Variants in MIS18BP1 observed in about 807,000 individuals in gnomAD.
The protein encoded by MIS18BP1 is mis18-binding protein 1.
In MIS18BP1, 72 loss-of-function variants were observed where a neutral mutation model predicts 116.1. The ratio of observed to expected loss-of-function variants is 0.62; its 90% CI spans 0.51 to 0.75. The LOEUF (loss-of-function observed/expected upper bound fraction) is 0.75. MIS18BP1 is among the 30% of genes least tolerant of loss of function. The pLI, the probability that MIS18BP1 is intolerant of heterozygous loss-of-function variation, is 0.00. For synonymous variants in MIS18BP1, 386 were observed against 427.0 expected (o/e 0.90, Z 1.18); for missense variants, 1,363 against 1,303.2 (o/e 1.05, Z -0.71).
In MIS18BP1 at chr14:45,227,795, GT is replaced by G; in HGVS notation, c.1613del (p.His538ProfsTer10). 1 of 1,613,924 alleles carries G rather than the reference GT, an allele frequency of 6.2e-7. No individual in the cohort carries two copies. ...CDNLELKSNK[H>X]SESPGATELN... ...ATTCTGTAGCTCCTGGTGACTCACT[GT>G]GCTTATTACTCTTCAGTTCTATGAA... On this transcript the variant is annotated frameshift_variant, in exon 9 of 17. Coordinates refer to ENST00000310806, the MANE Select transcript of MIS18BP1 (RefSeq NM_018353.5). LOFTEE classifies it high-confidence loss of function.
intron 5 of MIS18BP1, 69 bp downstream of exon 5, chr14:45,237,579 T>C: frequency 6.6e-7 from 1 of 1,508,732 alleles, no homozygotes; most frequent in Non-Finnish European, 8.9e-7. Flanking sequence ...CTATTTCTCA[T>C]GCATTAACTC....
At chr14:45,205,142 T>C (rs1172694019) in intron 15 of MIS18BP1, among the ~76,000 whole-genome samples, 1 of 152,128 alleles carries the variant, frequency 6.6e-6, no homozygotes, top group East Asian at 1.9e-4. Flanking sequence ...AAGTACTGTT[T>C]TAAGAAATTT....
At chr14:45,243,948 T>C (rs1181349552) in intron 2 of MIS18BP1, among the ~76,000 whole-genome samples, 1 of 152,178 alleles carries the variant, frequency 6.6e-6, no homozygotes, top group Non-Finnish European at 1.5e-5. Context: ...TGCTACCTTA[T>C]TATATTTAAA....
rs1279403565 is a variant in MIS18BP1 at position 45,211,851 on chromosome 14, TTTTCTA to T, written c.3004-1329_3004-1324del. ...GGTGCCTTTGTCTTGCAGAACCTCC[TTTTCTA>T]TTTCTGTCACAGCATCTGCTGCTTC... On this transcript the variant is annotated intron_variant, in intron 13 of 16. Coordinates refer to ENST00000310806, the MANE Select transcript of MIS18BP1 (RefSeq NM_018353.5). 7.2e-5 allele frequency among the ~76,000 whole-genome samples: 11 copies of T among 152,210 alleles called. No individual in the cohort carries two copies. The East Asian group carries it at 1.7e-3, about 24-fold the overall frequency.
intron 1 of MIS18BP1, among the ~76,000 whole-genome samples, chr14:45,249,021 T>G (rs908240138): frequency 1.3e-5 from 2 of 151,354 alleles, no homozygotes; most frequent in African/African-American, 2.4e-5. Context: ...TCCTCCTACC[T>G]CAGCCTCCAG....
chr14:45,234,014 T>C (rs1026699471), intron 6 of MIS18BP1, among the ~76,000 whole-genome samples: 2 of 151,802 alleles, frequency 1.3e-5, no homozygotes, highest in African/African-American at 4.8e-5. Context: ...TTAGAAAAAA[T>C]GGAGAAATAC....
Position 45,204,430 on chromosome 14 carries a change from T to TG in MIS18BP1, c.3263dup (p.Thr1089AsnfsTer9). ...TAAATGGGGTTTTCCTTCTTGGTGTTGGAGTTGAGAAATCAGTTTCAACCT... is the reference window on the plus strand; with the variant it reads ...TAAATGGGGTTTTCCTTCTTGGTGTTGGGAGTTGAGAAATCAGTTTCAACCT... On this transcript the variant is annotated frameshift_variant, in exon 16 of 17. Transcript: ENST00000310806. LOFTEE classifies it high-confidence loss of function. 1 of 1,605,702 alleles carries TG rather than the reference T, an allele frequency of 6.2e-7. No individual in the cohort carries two copies. Among genetic ancestry groups the TG allele is most frequent in the Non-Finnish European group, 8.5e-7 (1 of 1,177,256 alleles).
At chr14:45,204,947 A>G (rs1890472904) in intron 15 of MIS18BP1, among the ~76,000 whole-genome samples, 1 of 152,098 alleles carries the variant, frequency 6.6e-6, no homozygotes, top group Non-Finnish European at 1.5e-5. Context: ...AATGTTTTAT[A>G]CCAGCAGAAT....
intron 11 of MIS18BP1, among the ~76,000 whole-genome samples, chr14:45,219,850 A>G (rs1405806403): frequency 6.6e-6 from 1 of 152,242 alleles, no homozygotes; most frequent in Non-Finnish European, 1.5e-5. Context: ...TAACTATTAC[A>G]TAACACAAAT....
intron 8 of MIS18BP1, 103 bp downstream of exon 8, chr14:45,231,033 AATACT>A: frequency 9.0e-7 from 1 of 1,112,100 alleles, no homozygotes; most frequent in Non-Finnish European, 1.2e-6. Context: ...TAAGTCAAAG[AATACT>A]ATACTATACA....
intron 1 of MIS18BP1, among the ~76,000 whole-genome samples, chr14:45,249,860 T>C (rs1891821403): frequency 6.6e-6 from 1 of 151,966 alleles, no homozygotes; most frequent in South Asian, 2.1e-4. Context: ...GGCGACGGAG[T>C]GAGACTCCAA....
intron 8 of MIS18BP1, 99 bp downstream of exon 8, chr14:45,231,042 C>A (rs1891259073): frequency 1.6e-6 from 2 of 1,270,094 alleles, no homozygotes; most frequent in Non-Finnish European, 2.2e-6. Flanking sequence ...GAATACTATA[C>A]TATACACATT....
chr14:45,237,746 A>G (rs745849893), intron 4 of MIS18BP1, 25 bp from the exon 5 acceptor site: 5 of 1,568,126 alleles, frequency 3.2e-6, no homozygotes, highest in Admixed American at 2.1e-5. Flanking sequence ...AACAAAGAAC[A>G]TATTTCCTGT....
intron 13 of MIS18BP1, 146 bp from the exon 14 acceptor site, chr14:45,210,674 G>A (rs746672188): frequency 1.1e-6 from 1 of 879,130 alleles, no homozygotes; most frequent in Admixed American, 2.7e-5. Flanking sequence ...TAGAGGAGTA[G>A]AGGCTAGAGG....
chr14:45,232,893 C>T (rs372139029), intron 6 of MIS18BP1, 73 bp from the exon 7 acceptor site: 10 of 722,786 alleles, frequency 1.4e-5, no homozygotes, highest in African/African-American at 5.4e-5. Context: ...TAATTCATTA[C>T]ATCATTCAAG....
chr14:45,211,267 T>C (rs1292143653), intron 13 of MIS18BP1, among the ~76,000 whole-genome samples: 1 of 152,188 alleles, frequency 6.6e-6, no homozygotes, highest in Non-Finnish European at 1.5e-5. Flanking sequence ...GATCCTGGCA[T>C]AAACTGGATA....
Position 45,242,415 on chromosome 14 carries a change from C to T in MIS18BP1, c.762G>A (p.Lys254=), listed in dbSNP as rs1891605392. The T allele has an allele frequency of 5.6e-6, 9 of 1,613,844 alleles. No individual in the cohort carries two copies. Among genetic ancestry groups the T allele is most frequent in the East Asian group, 2.2e-5 (1 of 44,868 alleles). Residue 254 remains lysine, a synonymous_variant, in exon 4 of 17, where the codon AAG becomes AAA. Coordinates refer to ENST00000310806, the MANE Select transcript of MIS18BP1 (RefSeq NM_018353.5). ...ATTTAGTGGTTGCAACTATACTCTC[C>T]TTTGAGTGAAAAATTTGTTTAGCCA... The part of the protein sequence containing the change: ...AQLAKQIFHS[K]ESIVATTKSK...
intron 14 of MIS18BP1, among the ~76,000 whole-genome samples, chr14:45,207,849 A>AT (rs199897359): frequency 6.6e-6 from 1 of 152,166 alleles, no homozygotes; most frequent in African/African-American, 2.4e-5. Context: ...TAAGAAAATC[A>AT]TTTTTTTAAG....
intron 10 of MIS18BP1, 78 bp downstream of exon 10, chr14:45,226,665 G>T: frequency 9.0e-7 from 1 of 1,107,320 alleles, no homozygotes; most frequent in Non-Finnish European, 1.2e-6. Context: ...AAATTTACAA[G>T]ATCACTTTTA....
Sources: allele counts gnomAD v4.1 joint callset (sites outside exome capture counted in the v4.1 genomes callset), GRCh38; gene constraint gnomAD v4.1.1; transcripts MANE v1.5; gene names NCBI Gene and HGNC (gene_info 2026-07-23, HGNC 2026-07-21).